The following NAALADL2 variants were observed in gnomAD, a reference collection of about 807,000 sequenced individuals.
NAALADL2 encodes inactive N-acetylated-alpha-linked acidic dipeptidase-like protein 2.
A neutral mutation model predicts 87.2 loss-of-function variants in NAALADL2; 76 were observed. The observed-to-expected ratio is 0.87, with a 90% CI of 0.72 to 1.05. The LOEUF (loss-of-function observed/expected upper bound fraction) is 1.05. NAALADL2 is among the 50% of genes least tolerant of loss of function. The probability of loss-of-function intolerance (pLI) is 0.00; values close to 1 mark genes in which losing one functional copy is unlikely to be tolerated. For synonymous variants in NAALADL2, 354 were observed against 331.0 expected (o/e 1.07, Z -0.75); for missense variants, 1,089 against 945.8 (o/e 1.15, Z -1.99).
At chr3:175,000,861 A>G (rs147016964) in intron 1 of NAALADL2, among the ~76,000 whole-genome samples, 3 of 152,352 alleles carry the variant, frequency 2.0e-5, no homozygotes, top group Non-Finnish European at 4.4e-5. Context: ...TTTTACATAT[A>G]TAGAAACTTG....
intron 1 of NAALADL2, among the ~76,000 whole-genome samples, chr3:174,899,383 G>C (rs1212476019): frequency 6.6e-6 from 1 of 152,144 alleles, no homozygotes; most frequent in African/African-American, 2.4e-5. Flanking sequence ...GGTGGGGCCT[G>C]GTGAGGGGTG....
At chr3:174,862,189 T>G (rs764599467) in intron 1 of NAALADL2, among the ~76,000 whole-genome samples, 1 of 152,200 alleles carries the variant, frequency 6.6e-6, no homozygotes, top group Non-Finnish European at 1.5e-5. Flanking sequence ...TAGGGGTAAG[T>G]GCTTTCTAAG....
chr3:174,658,326 T>C (rs1725178394), intron 2 of NAALADL2, among the ~76,000 whole-genome samples: 1 of 152,154 alleles, frequency 6.6e-6, no homozygotes, highest in South Asian at 2.1e-4. Context: ...TGATGTATAG[T>C]AGTATATCTT....
chr3:175,264,074 G>C (rs1396459691), intron 4 of NAALADL2, among the ~76,000 whole-genome samples: 1 of 151,612 alleles, frequency 6.6e-6, no homozygotes, highest in Non-Finnish European at 1.5e-5. Flanking sequence ...CTTCTGTACT[G>C]CTATCTGCTC....
intron 2 of NAALADL2, among the ~76,000 whole-genome samples, chr3:175,230,600 T>C (rs1443216511): frequency 6.6e-6 from 1 of 151,960 alleles, no homozygotes; most frequent in Non-Finnish European, 1.5e-5. Context: ...GGAAATTAGA[T>C]ACAGGAGCAG....
At chr3:175,205,684 C>T (rs1477401003) in intron 2 of NAALADL2, among the ~76,000 whole-genome samples, 1 of 151,968 alleles carries the variant, frequency 6.6e-6, no homozygotes, top group Non-Finnish European at 1.5e-5. Flanking sequence ...AGAAAGTCTT[C>T]ACAATCCATA....
At chr3:174,746,362 A>G (rs902665724) in intron 3 of NAALADL2, among the ~76,000 whole-genome samples, 2 of 152,122 alleles carry the variant, frequency 1.3e-5, no homozygotes, top group African/African-American at 4.8e-5. Flanking sequence ...ACCTAGGAAT[A>G]TGGCTAACAA....
rs71312328 is a variant in NAALADL2, at chr3:175,377,420, G to C, written c.1090+53095G>C. ...AATTGTTGTTCTTACTTTTTTCTTA[G>C]GATTGTTACTTGTTTTTGCTTCTTC... On this transcript the variant is annotated intron_variant, in intron 5 of 13. Transcript: ENST00000454872. Among the ~76,000 whole-genome samples, 5 of 152,024 alleles carry C rather than the reference G, an allele frequency of 3.3e-5. No individual in the cohort carries two copies. The South Asian group carries it at 6.2e-4, about 19-fold the overall frequency.
chr3:174,813,199 C>G (rs1233806604), intron 3 of NAALADL2, among the ~76,000 whole-genome samples: 1 of 152,066 alleles, frequency 6.6e-6, no homozygotes, highest in Non-Finnish European at 1.5e-5. Context: ...TTTGGCTTCC[C>G]TGGTCCACAT....
chr3:174,820,003 T>A (rs1721246493), intron 3 of NAALADL2, among the ~76,000 whole-genome samples: 1 of 152,178 alleles, frequency 6.6e-6, no homozygotes, highest in African/African-American at 2.4e-5. Context: ...TGGGGGTAGA[T>A]CTAGTTATAG....
intron 9 of NAALADL2, among the ~76,000 whole-genome samples, chr3:175,499,449 C>T (rs917808012): frequency 2.0e-5 from 3 of 151,634 alleles, no homozygotes; most frequent in African/African-American, 7.3e-5. Flanking sequence ...TTTTAAATTA[C>T]TCTTTTAAAT....
chr3:174,693,514 T>C (rs1728767571), intron 2 of NAALADL2, among the ~76,000 whole-genome samples: 1 of 152,202 alleles, frequency 6.6e-6, no homozygotes, highest in Non-Finnish European at 1.5e-5. Context: ...TTTTATTTTG[T>C]TTCTTCCCGG....
At chr3:175,607,345 T>C (rs1723903193) in intron 10 of NAALADL2, among the ~76,000 whole-genome samples, 1 of 152,238 alleles carries the variant, frequency 6.6e-6, no homozygotes, top group African/African-American at 2.4e-5. Context: ...ATGATAGTAG[T>C]ATGTGTATAA....
chr3:175,004,344 A>G (rs1415505152), intron 1 of NAALADL2, among the ~76,000 whole-genome samples: 1 of 137,698 alleles, frequency 7.3e-6, no homozygotes, highest in Non-Finnish European at 1.5e-5. Context: ...ACGCCTCTAC[A>G]CTCCAGCCTG....
At chr3:174,629,030 C>T (rs1721863758) in intron 2 of NAALADL2, among the ~76,000 whole-genome samples, 2 of 152,086 alleles carry the variant, frequency 1.3e-5, no homozygotes. Context: ...GTGTTTAGTC[C>T]TGCTAAATAA....
At chr3:175,295,126 C>A (rs7612110) in intron 4 of NAALADL2, among the ~76,000 whole-genome samples, 68,083 of 151,978 alleles carry the variant, frequency 0.45, 16,231 homozygotes, top group Non-Finnish European at 0.52. Context: ...AAATGTTAAC[C>A]TGAGTATATA....
chr3:174,944,620 ATTC>A (rs1739133321), intron 1 of NAALADL2, among the ~76,000 whole-genome samples: 2 of 152,092 alleles, frequency 1.3e-5, no homozygotes, highest in African/African-American at 4.8e-5. Flanking sequence ...ATGGTTGCAG[ATTC>A]TTTTGCCAGG....
chr3:174,620,445 G>T (rs372972678), intron 2 of NAALADL2, among the ~76,000 whole-genome samples: 2,098 of 135,140 alleles, frequency 0.016, 49 homozygotes, highest in African/African-American at 0.05. Flanking sequence ...GTTTTGTTTT[G>T]TTTTTTTCAA....
At chr3:175,341,461 A>G (rs1287184867) in intron 5 of NAALADL2, among the ~76,000 whole-genome samples, 1 of 152,094 alleles carries the variant, frequency 6.6e-6, no homozygotes, top group African/African-American at 2.4e-5. Flanking sequence ...CTTATTACAA[A>G]TATTCACATA....
Sources: gnomAD v4.1 joint callset for allele counts (sites outside exome capture counted in the v4.1 genomes callset) on GRCh38, gnomAD v4.1.1 for gene constraint, MANE v1.5 for transcripts, NCBI Gene and HGNC (gene_info 2026-07-23, HGNC 2026-07-21) for gene names.